Variants in SURF1 observed in about 807,000 individuals in gnomAD.
The protein encoded by SURF1 is SURF1 cytochrome c oxidase assembly factor.
A neutral mutation model predicts 34.1 loss-of-function variants in SURF1; 45 were observed. The observed-to-expected ratio is 1.32, with a 90% CI of 1.04 to 1.69. SURF1 has a LOEUF of 1.69. Ranked by LOEUF, SURF1 falls within the 40% of genes most tolerant of loss-of-function variation. The pLI is 0.00. For missense variants in SURF1, 456 were observed against 384.6 expected (o/e 1.19, Z -1.55); for synonymous variants, 188 against 147.5 (o/e 1.27, Z -1.99).
chr9:133,353,333 T>G (rs895137839), intron 5 of SURF1, among the ~76,000 whole-genome samples: 3 of 152,188 alleles, frequency 2.0e-5, no homozygotes, highest in Non-Finnish European at 4.4e-5. Flanking sequence ...TGGAATGTTC[T>G]TCCCATCTCT....
At chr9:133,355,074 T>C (rs1836539105) in intron 2 of SURF1, 117 bp from the exon 3 acceptor site, 4 of 1,335,298 alleles carry the variant, frequency 3.0e-6, no homozygotes, top group South Asian at 2.4e-5. Flanking sequence ...TAGAGCCAAC[T>C]AGCAGCACCT....
intron 1 of SURF1, 34 bp downstream of exon 1, chr9:133,356,366 G>GCCCCACACCCCGCA: frequency 7.4e-7 from 1 of 1,343,380 alleles, no homozygotes; most frequent in Non-Finnish European, 9.6e-7. Context: ...CCCTCCCCGC[G>GCCCCACACCCCGCA]CCCCGCACCC....
In SURF1 at chr9:133,351,926, G is replaced by A. The variant is rs1225199430; in HGVS notation, c.890C>T (p.Thr297Ile). 3 of 1,613,756 alleles carry A rather than the reference G, an allele frequency of 1.9e-6. No individual in the cohort carries two copies. The highest frequency in any genetic ancestry group is 2.2e-5 in the East Asian group (1 of 44,890). ...YLWFKKFLRG[T>I]PGV is the part of the protein sequence containing the mutation. Reference sequence around the variant, plus strand: ...GCAGCTGATCTGTCACACACCAGGTGTCCCACGTAGGAATTTCTTAAACCA... The same window carrying A: ...GCAGCTGATCTGTCACACACCAGGTATCCCACGTAGGAATTTCTTAAACCA... The change falls in exon 9 of 9, where the codon ACA (threonine) becomes ATA (isoleucine). Residue 297 changes from threonine (T) to isoleucine (I), a missense_variant. Thr to Ile is a moderately conservative substitution (Grantham distance 89, BLOSUM62 -1). Coordinates refer to ENST00000371974, the MANE Select transcript of SURF1 (RefSeq NM_003172.4).
chr9:133,353,607 T>G lies in SURF1; in HGVS notation c.515+142A>C, dbSNP rs2130013689. On this transcript the variant is annotated intron_variant, in intron 5 of 8. Coordinates refer to ENST00000371974, the MANE Select transcript of SURF1 (RefSeq NM_003172.4). Reference sequence around the variant, plus strand: ...CAATGTCACAATTAGGGACTTAAACTATGCAAGGAATTGAATCTCCTGGGT... The same window carrying G: ...CAATGTCACAATTAGGGACTTAAACGATGCAAGGAATTGAATCTCCTGGGT... 2,278 of 937,706 alleles carry G rather than the reference T, an allele frequency of 2.4e-3. 15 individuals are homozygous for G. Among genetic ancestry groups the G allele is most frequent in the African/African-American group, 0.018 (1,094 of 62,242 alleles). 58.1% of individuals were successfully genotyped at this position (937,706 alleles called of 1,614,324 possible). A position where few individuals can be genotyped will look rare whatever the true frequency, so the allele number is the denominator to read the frequency against.
At position 133,354,846 on chromosome 9, in the gene SURF1, G is replaced by A. The variant is rs1836526378; in HGVS notation, c.218C>T (p.Ala73Val). ...TACCTGCCATGTCCCCAAGCCAAAG[G>A]CAGTCACAGGGATGAGGAGCAGGAC... ...QWVLLLIPVT[A>V]FGLGTWQVQR... The change falls in exon 3 of 9, where the codon GCC (alanine) becomes GTC (valine). Residue 73 changes from alanine to valine, a missense_variant. By Grantham distance (64) the Ala-to-Val change is moderately conservative (BLOSUM62 0). Transcript: ENST00000371974. 2.5e-6 allele frequency: 4 copies of A among 1,613,874 alleles called. No individual in the cohort carries two copies. In the South Asian group the frequency reaches 4.4e-5, roughly 18 times the overall value.
chr9:133,353,946 T>C lies in SURF1; in HGVS notation c.324-6A>G, dbSNP rs2130015624. 1 of 1,613,708 alleles carries C rather than the reference T, an allele frequency of 6.2e-7. No individual in the cohort carries two copies. The highest frequency in any genetic ancestry group is 8.5e-7 in the Non-Finnish European group (1 of 1,179,978). ...GATTTTTCAGTTCCATTGGGCTGCA[T>C]GGAGATAAGAACAGTGGCCGAGCAA... On this transcript the variant is annotated splice_polypyrimidine_tract_variant and splice_region_variant and intron_variant, in intron 4 of 8. Coordinates refer to ENST00000371974, the MANE Select transcript of SURF1 (RefSeq NM_003172.4).
intron 2 of SURF1, chr9:133,356,005 G>A (rs917235636): frequency 5.3e-6 from 3 of 566,284 alleles, no homozygotes; most frequent in Non-Finnish European, 9.5e-6. Context: ...ACGTTCGGAA[G>A]TAACTCTCGA....
rs1050473947 is a variant in SURF1 at position 133,352,071 on chromosome 9, T to G, written c.823A>C (p.Ile275Leu). The change falls in exon 8 of 9, where the codon ATC (isoleucine) becomes CTC (leucine). Residue 275 changes from isoleucine (I) to leucine (L), a missense_variant. By Grantham distance (5) the Ile-to-Leu change is conservative. Transcript: ENST00000371974. The stretch of plus-strand genomic sequence containing the variant: ...CCGCTGGGGACTCACCAGGTCACGA[T>G]GTACTGCAGATGCTCGTTCCTCAGA... ...VTLRNEHLQY[I>L]VTWYGLSAAT... 1.2e-6 allele frequency: 2 copies of G among 1,611,796 alleles called. No homozygotes were observed. Among genetic ancestry groups the G allele is most frequent in the African/African-American group, 1.3e-5 (1 of 75,008 alleles).
rs1337582600 is a variant in SURF1 at position 133,354,048 on chromosome 9, G to T, written c.324-108C>A. 4.8e-5 allele frequency: 61 copies of T among 1,278,586 alleles called. 2 individuals are homozygous for T. In the South Asian group the frequency reaches 4.9e-4, roughly 10 times the overall value. 79.2% of individuals were successfully genotyped at this position (1,278,586 alleles called of 1,614,324 possible). Reference sequence around the variant, plus strand: ...AGGGCCAGACAAGTGAAGGAGAAAGGCAAAGGGCGTGCTCTTCAAAGGGGA... The same window carrying T: ...AGGGCCAGACAAGTGAAGGAGAAAGTCAAAGGGCGTGCTCTTCAAAGGGGA... On this transcript the variant is annotated intron_variant, in intron 4 of 8. Coordinates refer to ENST00000371974, the MANE Select transcript of SURF1 (RefSeq NM_003172.4).
intron 2 of SURF1, among the ~76,000 whole-genome samples, 190 bp from the exon 3 acceptor site, chr9:133,355,147 GAGTA>G: frequency 6.6e-6 from 1 of 152,338 alleles, no homozygotes; most frequent in South Asian, 2.1e-4. Context: ...TCTGCCAAGT[GAGTA>G]AGTGGGATCT....
chr9:133,352,665 CTAAAG>C (rs2130009080), intron 6 of SURF1, 24 bp downstream of exon 6: 3 of 1,613,794 alleles, frequency 1.9e-6, no homozygotes, highest in Non-Finnish European at 2.5e-6. Flanking sequence ...AGAGCCTTCT[CTAAAG>C]TAGGAAGAGT....
rs2130017952 is a variant in SURF1 at position 133,354,702 on chromosome 9, A to G, written c.280T>C (p.Leu94=). The G allele has an allele frequency of 0.04, 64,340 of 1,613,358 alleles. 1,521 individuals are homozygous for G. Among genetic ancestry groups the G allele is most frequent in the African/African-American group, 0.066 (4,934 of 74,976 alleles). ...RKWKLNLIAE[L]ESRVLAEPVP... ...GGCTCAGCCAGAACTCTGGACTCCA[A>G]CTCTGCAATCAGGTTCAGCTTCCAC... is the stretch of plus-strand genomic sequence containing the variant. Residue 94 remains leucine, a synonymous_variant, in exon 4 of 9, where the codon TTG becomes CTG. Transcript: ENST00000371974.
rs2130014586 is a variant in SURF1 at position 133,353,798 on chromosome 9, TTGAGGAGGAGA to T, written c.455_465del (p.Ile152AsnfsTer24). The T allele has an allele frequency of 1.2e-6, 2 of 1,613,690 alleles. No homozygotes were observed. Among genetic ancestry groups the T allele is most frequent in the South Asian group, 2.2e-5 (2 of 91,080 alleles). On this transcript the variant is annotated frameshift_variant, in exon 5 of 9. Transcript: ENST00000371974. LOFTEE classifies it high-confidence loss of function. ...GTGACCACATAGGCCCCACTCTGAGTTGAGGAGGAGATGAGGCCGCCCTCCCGGGCCTCCCG... is the reference window on the plus strand; with the variant it reads ...GTGACCACATAGGCCCCACTCTGAGTTGAGGCCGCCCTCCCGGGCCTCCCG...
rs2130002026 is a variant in SURF1, at chr9:133,351,838, G to A, written c.*75C>T. ...GGTAGAAGGCCAGAACTTTATACCA[G>A]TAGCACATGATCCAGCATAAAGGCA... On this transcript the variant is annotated 3_prime_UTR_variant, in exon 9 of 9. Transcript: ENST00000371974. 3 of 1,492,690 alleles carry A rather than the reference G, an allele frequency of 2.0e-6. No homozygotes were observed. Among genetic ancestry groups the A allele is most frequent in the South Asian group, 1.2e-5 (1 of 84,778 alleles). 92.5% of individuals were successfully genotyped at this position (1,492,690 alleles called of 1,614,324 possible).
chr9:133,354,035 G>T, intron 4 of SURF1, 95 bp from the exon 5 acceptor site: 1 of 1,448,024 alleles, frequency 6.9e-7, no homozygotes, highest in Non-Finnish European at 9.7e-7. Context: ...GGCCAGACAA[G>T]TGAAGGAGAA....
At chr9:133,355,595 A>T (rs1190513858) in intron 2 of SURF1, among the ~76,000 whole-genome samples, 1 of 152,204 alleles carries the variant, frequency 6.6e-6, no homozygotes, top group East Asian at 1.9e-4. Flanking sequence ...AAAAATAAGC[A>T]GCTACAGTTA....
chr9:133,354,722 T>C lies in SURF1; in HGVS notation c.260A>G (p.Lys87Arg). 3 of 1,613,588 alleles carry C rather than the reference T, an allele frequency of 1.9e-6. No homozygotes were observed. Among genetic ancestry groups the C allele is most frequent in the Non-Finnish European group, 2.5e-6 (3 of 1,180,022 alleles). ...GTWQVQRRKW[K>R]LNLIAELESR... ...CTCCAACTCTGCAATCAGGTTCAGC[T>C]TCCACTTCCGACGCTGGACCTACAG... The change falls in exon 4 of 9, where the codon AAG (lysine) becomes AGG (arginine). Residue 87 changes from lysine (K) to arginine (R), a missense_variant. Physicochemically the swap from Lys to Arg is conservative, Grantham distance 26 (BLOSUM62 2). Coordinates refer to ENST00000371974, the MANE Select transcript of SURF1 (RefSeq NM_003172.4).
chr9:133,353,734 A>T lies in SURF1; in HGVS notation c.515+15T>A. The T allele has an allele frequency of 8.1e-6, 13 of 1,613,586 alleles. No individual in the cohort carries two copies. The highest frequency in any genetic ancestry group is 1.1e-5 in the Non-Finnish European group (13 of 1,179,958). ...GCCTCTGCCAGGACAGCCAGCTCCC[A>T]CATGTCCTACTCACCCCAGGTCGGT... is the stretch of plus-strand genomic sequence containing the variant. On this transcript the variant is annotated intron_variant, in intron 5 of 8. Coordinates refer to ENST00000371974, the MANE Select transcript of SURF1 (RefSeq NM_003172.4).
Position 133,352,723 on chromosome 9 carries a change from C to T in SURF1, c.559G>A (p.Val187Met), listed in dbSNP as rs1457491848. 6.2e-7 allele frequency: 1 copy of T among 1,613,268 alleles called. No individual in the cohort carries two copies. Among genetic ancestry groups the T allele is most frequent in the South Asian group, 1.1e-5 (1 of 90,934 alleles). Reference protein sequence around the residue: ...VNRGFVPRKKVNPETRQKGQI... With the variant: ...VNRGFVPRKKMNPETRQKGQI... ...CCTTTCTGCCGGGTTTCAGGATTCA[C>T]TTTCTTCCTGGGAACGAACCCTCTA... Residue 187 changes from valine to methionine, a missense_variant, in exon 6 of 9, where the codon GTG becomes ATG. By Grantham distance (21) the Val-to-Met change is conservative. Transcript: ENST00000371974.
Sources: gnomAD v4.1 joint callset for allele counts (sites outside exome capture counted in the v4.1 genomes callset) on GRCh38, gnomAD v4.1.1 for gene constraint, MANE v1.5 for transcripts, NCBI Gene and HGNC (gene_info 2026-07-23, HGNC 2026-07-21) for gene names.